PLA2G4A: variants seen among roughly 807,000 people sequenced by gnomAD.
PLA2G4A encodes the protein phospholipase A2 group IVA.
In PLA2G4A, 40 loss-of-function variants were observed where a neutral mutation model predicts 81.9. That is an observed-to-expected ratio of 0.49 (90% CI 0.38 to 0.64). PLA2G4A has a LOEUF of 0.64. Ranked by LOEUF, PLA2G4A falls within the 30% of genes least tolerant of loss-of-function variation. PLA2G4A has a pLI of 0.00. For missense variants in PLA2G4A, 715 were observed against 905.1 expected (o/e 0.79, Z 2.69); for synonymous variants, 302 against 296.9 (o/e 1.02, Z -0.18).
chr1:186,920,684 G>A lies in PLA2G4A; in HGVS notation c.558+9295G>A, dbSNP rs116886981. Among the ~76,000 whole-genome samples, 614 of 152,286 alleles carry A rather than the reference G, an allele frequency of 4.0e-3. 13 individuals carry two copies. Among genetic ancestry groups the A allele is most frequent in the Admixed American group, 0.03 (462 of 15,290 alleles). On this transcript the variant is annotated intron_variant, in intron 7 of 17. Coordinates refer to ENST00000367466, the MANE Select transcript of PLA2G4A (RefSeq NM_024420.3). Reference sequence around the variant, plus strand: ...TAGGCGCATTGGTTAGGTTGCAAGCGTGGGTGATTAGACTGGGTATTCTTC... The same window carrying A: ...TAGGCGCATTGGTTAGGTTGCAAGCATGGGTGATTAGACTGGGTATTCTTC...
At chr1:186,944,162 A>T (rs1656256421) in intron 10 of PLA2G4A, among the ~76,000 whole-genome samples, 1 of 152,092 alleles carries the variant, frequency 6.6e-6, no homozygotes, top group South Asian at 2.1e-4. Context: ...TTATCTAGGT[A>T]AGTATAGTGG....
At chr1:186,890,651 C>T (rs1388832994) in intron 3 of PLA2G4A, among the ~76,000 whole-genome samples, 1 of 151,862 alleles carries the variant, frequency 6.6e-6, no homozygotes, top group Non-Finnish European at 1.5e-5. Context: ...GTCAGGAGAT[C>T]GAGACCATCC....
chr1:186,909,167 G>A (rs1654850539), intron 6 of PLA2G4A, among the ~76,000 whole-genome samples: 1 of 149,490 alleles, frequency 6.7e-6, no homozygotes, highest in Non-Finnish European at 1.5e-5. Context: ...GTAGAGACGG[G>A]GTTTCACCGT....
rs192244063 is a variant in PLA2G4A, at chr1:186,848,504, T to C, written c.-69-5782T>C. Among the ~76,000 whole-genome samples, 262 of 152,266 alleles carry C rather than the reference T, an allele frequency of 1.7e-3. 1 individual carries two copies. Among genetic ancestry groups the C allele is most frequent in the Non-Finnish European group, 3.1e-3 (211 of 67,992 alleles). On this transcript the variant is annotated intron_variant, in intron 1 of 17. Coordinates refer to ENST00000367466, the MANE Select transcript of PLA2G4A (RefSeq NM_024420.3). ...GAACCCGGCATTTCAATGTCTGCAGTGACTGGGTTAATTCTTTTTCTCTTT... is the reference window on the plus strand; with the variant it reads ...GAACCCGGCATTTCAATGTCTGCAGCGACTGGGTTAATTCTTTTTCTCTTT...
chr1:186,988,056 C>A (rs1010952734), intron 17 of PLA2G4A, among the ~76,000 whole-genome samples: 4 of 152,258 alleles, frequency 2.6e-5, no homozygotes, highest in Admixed American at 1.3e-4. Context: ...TCCCTGTTAT[C>A]CCCCTTTTGG....
In PLA2G4A at chr1:186,911,263, A is replaced by G. The variant is rs1249788507; in HGVS notation, c.432A>G (p.Leu144=). Residue 144 remains leucine (L), a synonymous_variant, in exon 7 of 18, where the codon CTA becomes CTG. Coordinates refer to ENST00000367466, the MANE Select transcript of PLA2G4A (RefSeq NM_024420.3). ...GGTATTACAGCTCATGCCCAGACCT[A>G]CGATTTAGTATGGCTCTGTGTGATC... ...MSLEVCSCPD[L]RFSMALCDQE... 3.7e-6 allele frequency: 6 copies of G among 1,613,152 alleles called. No individual in the cohort carries two copies. Among genetic ancestry groups the G allele is most frequent in the South Asian group, 1.1e-5 (1 of 91,052 alleles).
chr1:186,948,388 C>A (rs7555140), intron 12 of PLA2G4A, among the ~76,000 whole-genome samples: 107,047 of 151,898 alleles, frequency 0.7, 38,355 homozygotes, highest in East Asian at 0.84. Context: ...AACTGCAAGG[C>A]AATGTGTATA....
At chr1:186,910,084 TG>T (rs1429386022) in intron 6 of PLA2G4A, among the ~76,000 whole-genome samples, 17 of 152,160 alleles carry the variant, frequency 1.1e-4, no homozygotes, top group African/African-American at 3.1e-4. Flanking sequence ...TAAACTTTTT[TG>T]TTATTAATTC....
chr1:186,888,168 A>T (rs879716139), intron 3 of PLA2G4A, among the ~76,000 whole-genome samples: 13 of 152,200 alleles, frequency 8.5e-5, no homozygotes, highest in Non-Finnish European at 1.3e-4. Flanking sequence ...ATCCAACATG[A>T]CAGCTATTAA....
rs1249440594 is a variant in PLA2G4A at position 186,957,095 on chromosome 1, T to G, written c.1579+751T>G. 3.8e-5 allele frequency among the ~76,000 whole-genome samples: 3 copies of G among 78,378 alleles called. No individual in the cohort carries two copies. The East Asian group carries it at 1.2e-3, about 33-fold the overall frequency. 51.4% of individuals were successfully genotyped at this position (78,378 alleles called of 152,430 possible). ...TGAACCTGGGAGGCAGACATTGCAG[T>G]GAGCCAATATTGCACCACTGCACTC... On this transcript the variant is annotated intron_variant, in intron 14 of 17. Transcript: ENST00000367466.
At chr1:186,936,986 A>C (rs1655969497) in intron 8 of PLA2G4A, among the ~76,000 whole-genome samples, 1 of 151,226 alleles carries the variant, frequency 6.6e-6, no homozygotes, top group Admixed American at 6.6e-5. Context: ...GATGAAAATT[A>C]AGGCTTAACT....
chr1:186,842,709 A>T (rs1433059905), intron 1 of PLA2G4A, among the ~76,000 whole-genome samples: 1 of 152,190 alleles, frequency 6.6e-6, no homozygotes, highest in Non-Finnish European at 1.5e-5. Flanking sequence ...AAAAGCAGCT[A>T]TCTGCAAGCC....
chr1:186,914,896 C>A lies in PLA2G4A; in HGVS notation c.558+3507C>A, dbSNP rs559382377. On this transcript the variant is annotated intron_variant, in intron 7 of 17. Transcript: ENST00000367466. The stretch of plus-strand genomic sequence containing the variant: ...AGTTCTCACTTTCATTTTTACTACC[C>A]ATGTCTTCTTGCAAGACGGATCAAT... Among the ~76,000 whole-genome samples, 7 of 152,262 alleles carry A rather than the reference C, an allele frequency of 4.6e-5. No individual in the cohort carries two copies. In the South Asian group the frequency reaches 1.5e-3, roughly 32 times the overall value.
chr1:186,891,697 C>CTGTTGATG (rs1654150489), intron 3 of PLA2G4A, among the ~76,000 whole-genome samples: 1 of 152,184 alleles, frequency 6.6e-6, no homozygotes. Context: ...ACCCATTCAT[C>CTGTTGATG]TGTTGATGGA....
chr1:186,930,911 C>A (rs1294220768), intron 7 of PLA2G4A, among the ~76,000 whole-genome samples: 6 of 152,150 alleles, frequency 3.9e-5, no homozygotes, highest in Non-Finnish European at 4.4e-5. Flanking sequence ...GAGCACATAG[C>A]AATGTTAAAT....
At chr1:186,873,874 T>C (rs1033923759) in intron 3 of PLA2G4A, among the ~76,000 whole-genome samples, 8 of 152,058 alleles carry the variant, frequency 5.3e-5, no homozygotes, top group African/African-American at 1.9e-4. Flanking sequence ...CAGACATGGT[T>C]GCTAATTTCA....
intron 14 of PLA2G4A, among the ~76,000 whole-genome samples, chr1:186,958,125 T>C (rs745381333): frequency 4.1e-4 from 63 of 152,188 alleles, no homozygotes; most frequent in Non-Finnish European, 2.4e-4. Flanking sequence ...ACCCCTGTTG[T>C]TTAAACAAGA....
chr1:186,939,274 A>C, intron 9 of PLA2G4A, 44 bp downstream of exon 9: 2 of 823,222 alleles, frequency 2.4e-6, no homozygotes, highest in South Asian at 2.9e-5. Context: ...ACAAGTAGAC[A>C]GAACATATTA....
intron 3 of PLA2G4A, among the ~76,000 whole-genome samples, chr1:186,872,026 A>G (rs1391996779): frequency 6.6e-6 from 1 of 152,066 alleles, no homozygotes; most frequent in Non-Finnish European, 1.5e-5. Flanking sequence ...GTCTGAAGCA[A>G]GGAGAGGATT....
Sources: gnomAD v4.1 joint callset for allele counts (sites outside exome capture counted in the v4.1 genomes callset) on GRCh38, gnomAD v4.1.1 for gene constraint, MANE v1.5 for transcripts, NCBI Gene and HGNC (gene_info 2026-07-23, HGNC 2026-07-21) for gene names.